Variants in DCAF1 observed in about 807,000 individuals in gnomAD.
DCAF1 encodes DDB1- and CUL4-associated factor 1.
A neutral mutation model predicts 128.0 loss-of-function variants in DCAF1; 15 were observed. That is an observed-to-expected ratio of 0.12 (90% confidence interval 0.08 to 0.18). The LOEUF is 0.18. DCAF1 is among the 10% of genes least tolerant of loss of function. The pLI is 1.00. For missense variants in DCAF1, 988 were observed against 1,649.5 expected (o/e 0.60, Z 6.95); for synonymous variants, 610 against 603.0 (o/e 1.01, Z -0.17).
intron 13 of DCAF1, among the ~76,000 whole-genome samples, chr3:51,423,504 CAA>C (rs1328087664): frequency 6.3e-5 from 7 of 111,350 alleles, no homozygotes; most frequent in Admixed American, 9.6e-5. Flanking sequence ...TCTGTCTCCA[CAA>C]AAAAAAAAAA....
chr3:51,462,280 G>A (rs1471257710), intron 6 of DCAF1, among the ~76,000 whole-genome samples: 2 of 151,904 alleles, frequency 1.3e-5, no homozygotes, highest in East Asian at 3.9e-4. Flanking sequence ...AAATTAGCCA[G>A]GCATGGTAGC....
At chr3:51,460,487 A>G (rs1703423724) in intron 6 of DCAF1, among the ~76,000 whole-genome samples, 1 of 152,192 alleles carries the variant, frequency 6.6e-6, no homozygotes, top group Non-Finnish European at 1.5e-5. Flanking sequence ...CATACTGCCC[A>G]AGGTAATTTA....
intron 6 of DCAF1, among the ~76,000 whole-genome samples, chr3:51,448,481 T>A (rs1702074243): frequency 6.6e-6 from 1 of 152,178 alleles, no homozygotes; most frequent in Non-Finnish European, 1.5e-5. Flanking sequence ...CTCAGCCTTC[T>A]GAGCAACTGA....
intron 23 of DCAF1, among the ~76,000 whole-genome samples, chr3:51,406,380 A>G (rs2090114430): frequency 6.6e-6 from 1 of 150,706 alleles, no homozygotes; most frequent in Admixed American, 6.6e-5. Context: ...ATTTTTCTAG[A>G]ATCCTGACTC....
intron 3 of DCAF1, among the ~76,000 whole-genome samples, chr3:51,476,949 G>T (rs879992133): frequency 6.6e-6 from 1 of 151,604 alleles, no homozygotes; most frequent in Non-Finnish European, 1.5e-5. Context: ...AGCCGGGCTT[G>T]GTGGTGGGCA....
chr3:51,496,870 A>G (rs1316083909), intron 1 of DCAF1, among the ~76,000 whole-genome samples, 90 bp from the exon 2 acceptor site: 5 of 152,202 alleles, frequency 3.3e-5, no homozygotes, highest in Non-Finnish European at 7.3e-5. Context: ...ATACTTATGT[A>G]AAATTTTCTT....
At chr3:51,501,439 C>T (rs1001227684), upstream of DCAF1, among the ~76,000 whole-genome samples, 3 of 152,130 alleles carry the variant, frequency 2.0e-5, no homozygotes, top group African/African-American at 7.2e-5. Flanking sequence ...TCCTACCCAG[C>T]GTTCAAGGCC....
chr3:51,470,508 G>A (rs901699573), intron 4 of DCAF1, among the ~76,000 whole-genome samples: 9 of 152,196 alleles, frequency 5.9e-5, no homozygotes, highest in Non-Finnish European at 8.8e-5. Context: ...CCAGGCTGCA[G>A]TGAGCTATGA....
chr3:51,428,491 AT>A (rs1425333298), intron 12 of DCAF1, among the ~76,000 whole-genome samples: 8 of 152,046 alleles, frequency 5.3e-5, no homozygotes, highest in Admixed American at 4.6e-4. Context: ...GGCCCAGCCA[AT>A]TTTTAAAATT....
Position 51,496,797 on chromosome 3 carries a change from G to GT in DCAF1, c.-55-18dup, listed in dbSNP as rs1708277921. On this transcript the variant is annotated splice_polypyrimidine_tract_variant and intron_variant, in intron 1 of 24. Coordinates refer to ENST00000684031, the MANE Select transcript of DCAF1 (RefSeq NM_001387579.1). ...TTTCCTTATCTGCAAGATGGAAACA[G>GT]TTGTTGTGCGGGGTTAAATGACAAT... Among the ~76,000 whole-genome samples the GT allele has an allele frequency of 1.3e-5, 2 of 152,068 alleles. 1 individual carries two copies. The highest frequency in any genetic ancestry group is 4.1e-4 in the South Asian group (2 of 4,834).
chr3:51,431,963 G>A lies in DCAF1; in HGVS notation c.1287+1143C>T, dbSNP rs950089480. On this transcript the variant is annotated intron_variant, in intron 10 of 24. Transcript: ENST00000684031. ...TACAGCCTACAGCCTGGACAACAGA[G>A]CGAGACCCTGTCATTAGAAAAAAAA... is the stretch of plus-strand genomic sequence containing the variant. Among the ~76,000 whole-genome samples, 10 of 151,408 alleles carry A rather than the reference G, an allele frequency of 6.6e-5. No individual in the cohort carries two copies. In the East Asian group the frequency reaches 1.4e-3, roughly 21 times the overall value.
In DCAF1 at chr3:51,433,956, C is replaced by T. The variant is rs1270921537; in HGVS notation, c.1129-692G>A. ...AATTTGCCAGACGTGGTGGTGGGTGCCTGTAATCCCAGCTACTTGGGAGGC... is the reference window on the plus strand; with the variant it reads ...AATTTGCCAGACGTGGTGGTGGGTGTCTGTAATCCCAGCTACTTGGGAGGC... On this transcript the variant is annotated intron_variant, in intron 9 of 24. Coordinates refer to ENST00000684031, the MANE Select transcript of DCAF1 (RefSeq NM_001387579.1). 3.3e-5 allele frequency among the ~76,000 whole-genome samples: 5 copies of T among 151,516 alleles called. No homozygotes were observed. The East Asian group carries it at 8.0e-4, about 24-fold the overall frequency.
chr3:51,459,308 A>G (rs1703280270), intron 6 of DCAF1, among the ~76,000 whole-genome samples: 1 of 152,234 alleles, frequency 6.6e-6, no homozygotes, highest in Non-Finnish European at 1.5e-5. Context: ...AAAATCAAGA[A>G]GAAATGGATA....
chr3:51,434,389 A>G (rs1052446380), intron 9 of DCAF1, among the ~76,000 whole-genome samples: 39 of 152,286 alleles, frequency 2.6e-4, no homozygotes, highest in African/African-American at 8.9e-4. Context: ...CTGGGTGACA[A>G]AGTAAGACCC....
At chr3:51,422,789 C>A (rs1409054572) in intron 13 of DCAF1, among the ~76,000 whole-genome samples, 2 of 152,126 alleles carry the variant, frequency 1.3e-5, no homozygotes, top group African/African-American at 4.8e-5. Context: ...GGAGGCCAGG[C>A]ACGGTGGCTC....
At chr3:51,497,458 G>A (rs1275898557) in intron 1 of DCAF1, among the ~76,000 whole-genome samples, 1 of 151,294 alleles carries the variant, frequency 6.6e-6, no homozygotes, top group Non-Finnish European at 1.5e-5. Context: ...ATGGTGGCAC[G>A]CGCCTGTAGT....
At chr3:51,454,154 C>T (rs1256170822) in intron 6 of DCAF1, among the ~76,000 whole-genome samples, 2 of 152,218 alleles carry the variant, frequency 1.3e-5, no homozygotes, top group South Asian at 2.1e-4. Flanking sequence ...GCGATCCTCC[C>T]GCCTCAGCAT....
chr3:51,484,741 G>A (rs1310996877), intron 2 of DCAF1, among the ~76,000 whole-genome samples: 1 of 139,748 alleles, frequency 7.2e-6, no homozygotes, highest in African/African-American at 2.7e-5. Context: ...GGAGTGCAAT[G>A]GCACAATCTC....
chr3:51,470,681 T>C (rs1553648098), intron 4 of DCAF1, among the ~76,000 whole-genome samples: 1 of 152,202 alleles, frequency 6.6e-6, no homozygotes, highest in Non-Finnish European at 1.5e-5. Flanking sequence ...TTATGTGATA[T>C]TCGATTGGCA....
Sources: allele counts gnomAD v4.1 joint callset (sites outside exome capture counted in the v4.1 genomes callset), GRCh38; gene constraint gnomAD v4.1.1; transcripts MANE v1.5; gene names NCBI Gene and HGNC (gene_info 2026-07-23, HGNC 2026-07-21).